Variants in SQLE observed in about 807,000 individuals in gnomAD.
SQLE encodes the protein squalene epoxidase.
A neutral mutation model predicts 60.7 loss-of-function variants in SQLE; 29 were observed. The observed-to-expected ratio is 0.48, with a 90% confidence interval of 0.36 to 0.65. SQLE has a LOEUF of 0.65. SQLE is among the 30% of genes least tolerant of loss of function. The probability of loss-of-function intolerance (pLI) is 0.00; values close to 1 mark genes in which losing one functional copy is unlikely to be tolerated. For synonymous variants in SQLE, 237 were observed against 246.8 expected (o/e 0.96, Z 0.37); for missense variants, 605 against 684.1 (o/e 0.88, Z 1.29).
intron 6 of SQLE, among the ~76,000 whole-genome samples, chr8:125,010,165 T>G (rs1439609495): frequency 6.6e-6 from 1 of 152,232 alleles, no homozygotes; most frequent in African/African-American, 2.4e-5. Flanking sequence ...ATCAGGTCTG[T>G]CTGGCTCATA....
At chr8:125,014,026 AG>A (rs1815076239) in intron 7 of SQLE, among the ~76,000 whole-genome samples, 1 of 152,218 alleles carries the variant, frequency 6.6e-6, no homozygotes, top group African/African-American at 2.4e-5. Context: ...CTTTTATTTC[AG>A]GAATATACTC....
intron 1 of SQLE, among the ~76,000 whole-genome samples, chr8:125,000,866 C>A (rs1207544585): frequency 6.6e-6 from 1 of 152,176 alleles, no homozygotes; most frequent in South Asian, 2.1e-4. Flanking sequence ...TAAACGCCCA[C>A]TTGCTTTTTA....
chr8:125,000,142 A>G (rs1814819520), intron 1 of SQLE: 4 of 428,468 alleles, frequency 9.3e-6, no homozygotes, highest in South Asian at 3.4e-5. Context: ...AAGCAGGCAG[A>G]AGGAGAATGC....
intron 1 of SQLE, among the ~76,000 whole-genome samples, chr8:125,000,571 C>T (rs1163688445): frequency 6.6e-6 from 1 of 152,118 alleles, no homozygotes; most frequent in Non-Finnish European, 1.5e-5. Context: ...ACTCAGCTTC[C>T]CAAGGAGCTG....
chr8:125,021,651 AAGT>A, intron 10 of SQLE, 99 bp from the exon 11 acceptor site: 1 of 814,260 alleles, frequency 1.2e-6, no homozygotes. Context: ...GGGTAAAAAA[AAGT>A]AGGATGTTTG....
intron 3 of SQLE, among the ~76,000 whole-genome samples, chr8:125,006,748 G>A (rs1814955453): frequency 6.7e-6 from 1 of 148,192 alleles, no homozygotes; most frequent in African/African-American, 2.5e-5. Flanking sequence ...TCTGTCACCC[G>A]GGCTGGAGGG....
chr8:124,999,416 C>G lies in SQLE; in HGVS notation c.13C>G (p.Leu5Val), dbSNP rs758465148. The G allele has an allele frequency of 2.0e-6, 3 of 1,517,400 alleles. No homozygotes were observed. The highest frequency in any genetic ancestry group is 2.2e-5 in the Admixed American group (1 of 45,874). 94.0% of individuals were successfully genotyped at this position (1,517,400 alleles called of 1,614,324 possible). Residue 5 changes from leucine (L) to valine (V), a missense_variant, in exon 1 of 11, where the codon CTG becomes GTG. Physicochemically the swap from Leu to Val is conservative, Grantham distance 32. Transcript: ENST00000265896. The part of the protein sequence containing the change: MWTF[L>V]GIATFTYFYK... ...AAGCCTTGGAACCATGTGGACTTTT[C>G]TGGGCATTGCCACTTTCACCTATTT...
At chr8:125,006,496 C>G (rs1157799840) in intron 3 of SQLE, among the ~76,000 whole-genome samples, 4 of 151,424 alleles carry the variant, frequency 2.6e-5, no homozygotes, top group South Asian at 2.1e-4. Flanking sequence ...TAGCACGCAC[C>G]TGCAGTCCCA....
At chr8:125,007,216 T>A (rs1814966562) in intron 3 of SQLE, among the ~76,000 whole-genome samples, 175 bp from the exon 4 acceptor site, 1 of 152,108 alleles carries the variant, frequency 6.6e-6, no homozygotes, top group Non-Finnish European at 1.5e-5. Context: ...AATGTAATCA[T>A]TAGTAATATG....
chr8:125,005,825 T>C lies in SQLE; in HGVS notation c.725+120T>C, dbSNP rs1036207714. On this transcript the variant is annotated intron_variant, in intron 3 of 10. Coordinates refer to ENST00000265896, the MANE Select transcript of SQLE (RefSeq NM_003129.4). ...TTTGGGGCATAGTCTAGAACATATG[T>C]ATATTAAAATAAACTGTCAGTCAAA... is the stretch of plus-strand genomic sequence containing the variant. 3 of 683,814 alleles carry C rather than the reference T, an allele frequency of 4.4e-6. No individual in the cohort carries two copies. In the African/African-American group the frequency reaches 5.5e-5, roughly 13 times the overall value. The allele number at this position is 683,814 out of a possible 1,614,324, so 42.4% of individuals were successfully genotyped here.
At position 124,999,651 on chromosome 8, in the gene SQLE, C is replaced by A. The variant is rs1444058034; in HGVS notation, c.248C>A (p.Ser83Tyr). 1 of 1,602,520 alleles carries A rather than the reference C, an allele frequency of 6.2e-7. No homozygotes were observed. The change falls in exon 1 of 11, where the codon TCC becomes TAC. Residue 83 changes from serine to tyrosine, a missense_variant. Coordinates refer to ENST00000265896, the MANE Select transcript of SQLE (RefSeq NM_003129.4). Reference protein sequence around the residue: ...LPFIGFFWAKSPPESENKEQL... With the variant: ...LPFIGFFWAKYPPESENKEQL... ...TTCATTGGCTTCTTCTGGGCCAAAT[C>A]CCCCCCTGAATCAGAAAATAAGGAG...
chr8:124,999,844 C>A, intron 1 of SQLE, 150 bp downstream of exon 1: 1 of 1,026,440 alleles, frequency 9.7e-7, no homozygotes, highest in Non-Finnish European at 1.4e-6. Context: ...CTCTGCTGTG[C>A]CTTGGTTACA....
In SQLE at chr8:125,003,277, T is replaced by C; in HGVS notation, c.393T>C (p.Ala131=). The change falls in exon 2 of 11, where the codon GCT becomes GCC. Residue 131 remains alanine, a synonymous_variant. Coordinates refer to ENST00000265896, the MANE Select transcript of SQLE (RefSeq NM_003129.4). ...QNDPEVIIVG[A]GVLGSALAAV... ...ACCCAGAAGTTATCATCGTGGGAGC[T>C]GGCGTGCTTGGCTCTGCTTTGGCAG... The C allele has an allele frequency of 1.2e-6, 2 of 1,614,014 alleles. 1 individual carries two copies. Among genetic ancestry groups the C allele is most frequent in the South Asian group, 2.2e-5 (2 of 91,084 alleles).
chr8:125,000,742 C>T (rs1563594927), intron 1 of SQLE, among the ~76,000 whole-genome samples: 1 of 152,134 alleles, frequency 6.6e-6, no homozygotes, highest in Non-Finnish European at 1.5e-5. Context: ...ACGTGAGCCA[C>T]GGCGCCTGGC....
At chr8:125,013,345 G>GTTTTCT (rs201803850) in intron 7 of SQLE, among the ~76,000 whole-genome samples, 9 of 97,476 alleles carry the variant, frequency 9.2e-5, no homozygotes, top group African/African-American at 1.7e-4. Context: ...TTACTCCTAT[G>GTTTTCT]TTTTCTTTTT....
intron 4 of SQLE, among the ~76,000 whole-genome samples, chr8:125,008,696 C>T (rs1047050818): frequency 2.0e-5 from 3 of 152,110 alleles, no homozygotes; most frequent in Non-Finnish European, 4.4e-5. Context: ...GTTGTTTCCC[C>T]CATTGTCTGT....
chr8:125,000,998 T>C (rs1330500180), intron 1 of SQLE, among the ~76,000 whole-genome samples: 2 of 152,212 alleles, frequency 1.3e-5, no homozygotes, highest in Non-Finnish European at 2.9e-5. Flanking sequence ...TAATACCTAG[T>C]CTATAACCGC....
chr8:125,017,755 C>A (rs531871862), intron 7 of SQLE, among the ~76,000 whole-genome samples: 2 of 152,244 alleles, frequency 1.3e-5, no homozygotes, highest in Non-Finnish European at 2.9e-5. Context: ...TTTAAGGAGG[C>A]CTTACAAATG....
At chr8:125,019,317 ATTC>A (rs1815163799) in intron 9 of SQLE, among the ~76,000 whole-genome samples, 2 of 151,772 alleles carry the variant, frequency 1.3e-5, no homozygotes, top group Admixed American at 1.3e-4. Flanking sequence ...AGGCGAAATG[ATTC>A]ATGCCTGTAA....
Sources: allele counts gnomAD v4.1 joint callset (sites outside exome capture counted in the v4.1 genomes callset), GRCh38; gene constraint gnomAD v4.1.1; transcripts MANE v1.5; gene names NCBI Gene and HGNC (gene_info 2026-07-23, HGNC 2026-07-21).